The following BRD4 variants were observed in gnomAD, a reference collection of about 807,000 sequenced individuals.
BRD4 encodes bromodomain-containing protein 4.
In BRD4, 16 loss-of-function variants were observed where a neutral mutation model predicts 142.1. The ratio of observed to expected loss-of-function variants is 0.11; its 90% CI spans 0.08 to 0.17. BRD4 has a LOEUF of 0.17. Ranked by LOEUF, BRD4 falls within the 10% of genes least tolerant of loss-of-function variation. The pLI is 1.00. For missense variants in BRD4, 1,424 were observed against 1,810.9 expected, an observed-to-expected ratio of 0.79 and a Z score of 3.88; for synonymous variants, 833 against 707.5, an observed-to-expected ratio of 1.18 and a Z score of -2.82.
intron 1 of BRD4, among the ~76,000 whole-genome samples, chr19:15,303,204 A>G (rs2047886214): frequency 6.6e-6 from 1 of 152,074 alleles, no homozygotes; most frequent in Non-Finnish European, 1.5e-5. Context: ...TTCCAGCTCA[A>G]AGTAGGGGAA....
chr19:15,319,586 C>T (rs2048044278), intron 1 of BRD4, among the ~76,000 whole-genome samples: 1 of 151,960 alleles, frequency 6.6e-6, no homozygotes, highest in Admixed American at 6.6e-5. Context: ...TGCACTCCAG[C>T]CTGGGCAACA....
intron 1 of BRD4, among the ~76,000 whole-genome samples, chr19:15,310,628 G>C (rs1439963216): frequency 1.3e-5 from 2 of 151,666 alleles, no homozygotes; most frequent in Non-Finnish European, 2.9e-5. Flanking sequence ...CAAAGTACTG[G>C]GATTACAGGC....
chr19:15,257,452 C>A (rs2047424233), intron 7 of BRD4: 2 of 489,798 alleles, frequency 4.1e-6, no homozygotes, highest in South Asian at 2.9e-5. Flanking sequence ...CAGGCAAGGA[C>A]ATGAGACCCA....
At chr19:15,297,088 T>C (rs2047829273) in intron 1 of BRD4, among the ~76,000 whole-genome samples, 2 of 152,222 alleles carry the variant, frequency 1.3e-5, no homozygotes, top group African/African-American at 4.8e-5. Flanking sequence ...AAAAGATACA[T>C]AAAAGCAGCC....
At chr19:15,258,916 CTCCT>C (rs2145581573) in intron 7 of BRD4, among the ~76,000 whole-genome samples, 1 of 152,286 alleles carries the variant, frequency 6.6e-6, no homozygotes, top group East Asian at 1.9e-4. Context: ...TCAGAAATAA[CTCCT>C]TGAGCAGGTC....
chr19:15,264,856 T>A, intron 5 of BRD4, 90 bp from the exon 6 acceptor site: 1 of 1,516,828 alleles, frequency 6.6e-7, no homozygotes, highest in Non-Finnish European at 8.8e-7. Context: ...AGGCCCTGTC[T>A]TGGGGCCCAT....
In BRD4 at chr19:15,264,686, G is replaced by A. The variant is rs1404890216; in HGVS notation, c.930C>T (p.Pro310=). The change falls in exon 6 of 20, where the codon CCC becomes CCT. Residue 310 remains proline (P), a synonymous_variant. Transcript: ENST00000679869. ...CCAGCTTGGTGGTCTTGGGCTCCGG[G>A]GGCAGCGAGGGTGGCTCGTGAATGG... is the stretch of plus-strand genomic sequence containing the variant. ...IDPIHEPPSL[P]PEPKTTKLGQ... is the part of the protein sequence containing the mutation. 6.2e-7 allele frequency: 1 copy of A among 1,613,428 alleles called. No individual in the cohort carries two copies. Among genetic ancestry groups the A allele is most frequent in the Non-Finnish European group, 8.5e-7 (1 of 1,180,030 alleles).
intron 11 of BRD4, among the ~76,000 whole-genome samples, chr19:15,249,913 TAC>T (rs907598431): frequency 2.0e-5 from 3 of 152,138 alleles, no homozygotes; most frequent in African/African-American, 4.8e-5. Flanking sequence ...ACCTATTATA[TAC>T]ACTGTTGAGG....
chr19:15,252,089 TA>T (rs1444519192), intron 11 of BRD4, among the ~76,000 whole-genome samples: 1 of 151,920 alleles, frequency 6.6e-6, no homozygotes, highest in Non-Finnish European at 1.5e-5. Flanking sequence ...GAAAAAATAA[TA>T]AAATCTCGGC....
At chr19:15,263,985 T>TATGGTGAAA (rs1466109288) in intron 6 of BRD4, 1 of 227,598 alleles carries the variant, frequency 4.4e-6, no homozygotes, top group Non-Finnish European at 8.6e-6. Flanking sequence ...CTCAAAACAC[T>TATGGTGAAA]ATGGTGAAAA....
At chr19:15,270,941 T>C (rs938049788) in intron 2 of BRD4, among the ~76,000 whole-genome samples, 1 of 152,148 alleles carries the variant, frequency 6.6e-6, no homozygotes, top group Non-Finnish European at 1.5e-5. Flanking sequence ...CTTCTTCTTA[T>C]GTCAGAGCTA....
At chr19:15,313,544 T>C (rs552429037) in intron 1 of BRD4, among the ~76,000 whole-genome samples, 4 of 151,516 alleles carry the variant, frequency 2.6e-5, no homozygotes, top group Admixed American at 2.6e-4. Flanking sequence ...GGCGTGGTGG[T>C]GGGTGCCTGT....
At chr19:15,254,088 C>A (rs567047149) in intron 11 of BRD4, 64 bp downstream of exon 11, 1 of 1,383,312 alleles carries the variant, frequency 7.2e-7, no homozygotes. Context: ...GACACAGGAC[C>A]GAGCTAGTGC....
At chr19:15,325,315 G>A (rs2048097976) in intron 1 of BRD4, among the ~76,000 whole-genome samples, 2 of 152,194 alleles carry the variant, frequency 1.3e-5, no homozygotes, top group African/African-American at 4.8e-5. Context: ...TTTGGAGCAA[G>A]GCAGCAAAAA....
At chr19:15,245,830 C>T (rs2047280956) in intron 11 of BRD4, among the ~76,000 whole-genome samples, 1 of 152,228 alleles carries the variant, frequency 6.6e-6, no homozygotes, top group East Asian at 1.9e-4. Flanking sequence ...CCTGGCTTCG[C>T]CTGAGCTCCT....
chr19:15,325,815 A>G (rs1419936989), intron 1 of BRD4, among the ~76,000 whole-genome samples: 1 of 151,890 alleles, frequency 6.6e-6, no homozygotes, highest in Non-Finnish European at 1.5e-5. Context: ...CCTGACCAAC[A>G]TGGAGAAACC....
chr19:15,312,208 C>T (rs1031033603), intron 1 of BRD4, among the ~76,000 whole-genome samples: 7 of 152,162 alleles, frequency 4.6e-5, no homozygotes, highest in Admixed American at 2.0e-4. Flanking sequence ...AAGCAAGCAT[C>T]GGCCAGGCAC....
chr19:15,247,312 G>A (rs749928009), intron 11 of BRD4: 2 of 232,000 alleles, frequency 8.6e-6, no homozygotes, highest in Admixed American at 5.6e-5. Context: ...GTGCGTCGAG[G>A]CCCGGCTGGC....
intron 1 of BRD4, among the ~76,000 whole-genome samples, chr19:15,274,075 T>C (rs1296245443): frequency 6.6e-6 from 1 of 152,202 alleles, no homozygotes; most frequent in East Asian, 1.9e-4. Flanking sequence ...CTCCATGGAC[T>C]AGGCTGTGGA....
Sources: gnomAD v4.1 joint callset for allele counts (sites outside exome capture counted in the v4.1 genomes callset) on GRCh38, gnomAD v4.1.1 for gene constraint, MANE v1.5 for transcripts, NCBI Gene and HGNC (gene_info 2026-07-23, HGNC 2026-07-21) for gene names.